Variants in SPOCK3 observed in about 807,000 individuals in gnomAD.
SPOCK3 encodes SPARC (osteonectin), cwcv and kazal like domains proteoglycan 3.
A neutral mutation model predicts 56.6 loss-of-function variants in SPOCK3; 30 were observed. That is an observed-to-expected ratio of 0.53 (90% CI 0.40 to 0.72). SPOCK3 has a LOEUF of 0.72. Ranked by LOEUF, SPOCK3 falls within the 30% of genes least tolerant of loss-of-function variation. The pLI, the probability that SPOCK3 is intolerant of heterozygous loss-of-function variation, is 0.00. For synonymous variants in SPOCK3, 196 were observed against 183.3 expected (o/e 1.07, Z -0.56); for missense variants, 527 against 530.0 (o/e 0.99, Z 0.06).
At chr4:167,116,753 T>C (rs1761432088) in intron 2 of SPOCK3, among the ~76,000 whole-genome samples, 1 of 137,620 alleles carries the variant, frequency 7.3e-6, no homozygotes, top group Non-Finnish European at 1.5e-5. Context: ...TATATACATA[T>C]GTATATATAC....
chr4:167,066,067 T>C (rs1756099886), intron 2 of SPOCK3, among the ~76,000 whole-genome samples: 2 of 151,960 alleles, frequency 1.3e-5, no homozygotes, highest in African/African-American at 4.8e-5. Flanking sequence ...AACTATAAGT[T>C]TTCCACAAAA....
chr4:167,062,819 TA>T (rs1032449038), intron 2 of SPOCK3, among the ~76,000 whole-genome samples: 1 of 151,942 alleles, frequency 6.6e-6, no homozygotes, highest in African/African-American at 2.4e-5. Flanking sequence ...ACAATTTAAC[TA>T]TTTTTGGTTG....
At chr4:167,190,428 T>G (rs770453723) in intron 2 of SPOCK3, among the ~76,000 whole-genome samples, 11 of 146,396 alleles carry the variant, frequency 7.5e-5, no homozygotes, top group Admixed American at 1.4e-4. Flanking sequence ...GGAAAAAAAG[T>G]CTATTCATGT....
chr4:166,946,746 C>T (rs1741805577), intron 4 of SPOCK3, among the ~76,000 whole-genome samples: 1 of 152,162 alleles, frequency 6.6e-6, no homozygotes, highest in Non-Finnish European at 1.5e-5. Flanking sequence ...CTTGTTAGTG[C>T]TTTTAGTTTT....
rs190586714 is a variant in SPOCK3, at chr4:166,988,933, C to T, written c.350+11416G>A. On this transcript the variant is annotated intron_variant, in intron 4 of 10. Transcript: ENST00000357545. ...ATTTTCATAATCATGATAATCCTTA[C>T]CTTATATTTAGAATGCAGGATGGAA... Among the ~76,000 whole-genome samples, 101 of 152,098 alleles carry T rather than the reference C, an allele frequency of 6.6e-4. 1 individual carries two copies. Among genetic ancestry groups the T allele is most frequent in the Admixed American group, 1.5e-3 (23 of 15,250 alleles).
intron 7 of SPOCK3, among the ~76,000 whole-genome samples, chr4:166,754,985 T>C (rs1237353048): frequency 6.6e-6 from 1 of 151,980 alleles, no homozygotes; most frequent in Non-Finnish European, 1.5e-5. Context: ...TGGCAGTTAC[T>C]ATTATAATTA....
At chr4:166,742,667 G>A (rs1038949161) in intron 8 of SPOCK3, among the ~76,000 whole-genome samples, 2 of 152,010 alleles carry the variant, frequency 1.3e-5, no homozygotes, top group Non-Finnish European at 2.9e-5. Context: ...AGCCATATAT[G>A]CAATTTAGGA....
At chr4:167,114,125 G>C (rs1235014970) in intron 2 of SPOCK3, among the ~76,000 whole-genome samples, 1 of 152,104 alleles carries the variant, frequency 6.6e-6, no homozygotes, top group African/African-American at 2.4e-5. Flanking sequence ...GCTTATAGCA[G>C]ACCAAACTCT....
At chr4:167,214,792 T>A (rs1321005765) in intron 2 of SPOCK3, among the ~76,000 whole-genome samples, 1 of 152,034 alleles carries the variant, frequency 6.6e-6, no homozygotes, top group Non-Finnish European at 1.5e-5. Flanking sequence ...TCAGACAAGA[T>A]GCAGTGAGAA....
At chr4:166,907,365 C>T (rs567014343) in intron 5 of SPOCK3, among the ~76,000 whole-genome samples, 1 of 152,104 alleles carries the variant, frequency 6.6e-6, no homozygotes, top group South Asian at 2.1e-4. Flanking sequence ...TCTTAGAAGC[C>T]TCTATTCAAA....
At chr4:166,861,350 C>T (rs925399742) in intron 6 of SPOCK3, among the ~76,000 whole-genome samples, 43 of 151,968 alleles carry the variant, frequency 2.8e-4, no homozygotes, top group African/African-American at 9.4e-4. Context: ...TTCTCTCTCT[C>T]CTGCCTTTCT....
At chr4:166,862,068 C>T (rs1420289888) in intron 6 of SPOCK3, among the ~76,000 whole-genome samples, 1 of 152,078 alleles carries the variant, frequency 6.6e-6, no homozygotes, top group African/African-American at 2.4e-5. Flanking sequence ...TTTTCCTTGG[C>T]ACTTTTAGTT....
At chr4:167,120,630 T>C (rs1761788238) in intron 2 of SPOCK3, among the ~76,000 whole-genome samples, 1 of 152,038 alleles carries the variant, frequency 6.6e-6, no homozygotes, top group Non-Finnish European at 1.5e-5. Flanking sequence ...GATTTTTTTG[T>C]TTGTCCTTGA....
intron 2 of SPOCK3, among the ~76,000 whole-genome samples, chr4:167,110,850 G>A (rs1663860754): frequency 6.6e-6 from 1 of 151,970 alleles, no homozygotes; most frequent in Non-Finnish European, 1.5e-5. Context: ...ATGAAGATGA[G>A]TGTGTCAGTG....
chr4:166,827,044 A>G (rs1279038447), intron 6 of SPOCK3, among the ~76,000 whole-genome samples: 1 of 152,116 alleles, frequency 6.6e-6, no homozygotes, highest in African/African-American at 2.4e-5. Context: ...TTAGTAATCT[A>G]AAGTTTAAAG....
At chr4:167,077,106 A>G (rs924191508) in intron 2 of SPOCK3, among the ~76,000 whole-genome samples, 10 of 151,886 alleles carry the variant, frequency 6.6e-5, no homozygotes, top group Non-Finnish European at 1.2e-4. Flanking sequence ...GCACCAGAAG[A>G]TTTCTCATTT....
intron 2 of SPOCK3, among the ~76,000 whole-genome samples, chr4:167,197,515 T>A (rs551030185): frequency 1.1e-4 from 17 of 152,234 alleles, no homozygotes; most frequent in African/African-American, 4.1e-4. Context: ...AATCTATAGT[T>A]CATTAATTCT....
chr4:167,108,522 A>G (rs1760385053), intron 2 of SPOCK3, among the ~76,000 whole-genome samples: 1 of 151,914 alleles, frequency 6.6e-6, no homozygotes, highest in Non-Finnish European at 1.5e-5. Flanking sequence ...ATGGAACTAG[A>G]GGTCATTATG....
intron 4 of SPOCK3, among the ~76,000 whole-genome samples, chr4:166,945,860 G>A (rs997028265): frequency 2.6e-5 from 4 of 152,032 alleles, no homozygotes; most frequent in Admixed American, 6.6e-5. Context: ...ACTTCGTTCC[G>A]AGCCTTCACA....
Sources: gnomAD v4.1 joint callset for allele counts (sites outside exome capture counted in the v4.1 genomes callset) on GRCh38, gnomAD v4.1.1 for gene constraint, MANE v1.5 for transcripts, NCBI Gene and HGNC (gene_info 2026-07-23, HGNC 2026-07-21) for gene names.